Variants in PSMD12 observed in about 807,000 individuals in gnomAD.
PSMD12 encodes 26S proteasome non-ATPase regulatory subunit 12.
PSMD12 carries 8 observed loss-of-function variants against 62.9 expected under a neutral mutation model. That is an observed-to-expected ratio of 0.13 (90% CI 0.07 to 0.23). The LOEUF is 0.23. Among genes scored for constraint, PSMD12 ranks in the 10% least tolerant of loss-of-function variants. The pLI, the probability that PSMD12 is intolerant of heterozygous loss-of-function variation, is 1.00. For missense variants in PSMD12, 424 were observed against 550.2 expected (o/e 0.77, Z 2.29); for synonymous variants, 173 against 187.4 (o/e 0.92, Z 0.63).
At chr17:67,354,811 G>A (rs2042051761) in intron 3 of PSMD12, among the ~76,000 whole-genome samples, 2 of 151,990 alleles carry the variant, frequency 1.3e-5, no homozygotes, top group Admixed American at 1.3e-4. Flanking sequence ...GCAACATGGT[G>A]AAACCCTGAC....
chr17:67,349,299 G>C (rs535233752), intron 4 of PSMD12, among the ~76,000 whole-genome samples: 1 of 152,204 alleles, frequency 6.6e-6, no homozygotes, highest in Non-Finnish European at 1.5e-5. Context: ...GATTACAGGC[G>C]TGAGCCACTG....
At chr17:67,360,422 T>C (rs2042118653) in intron 1 of PSMD12, among the ~76,000 whole-genome samples, 2 of 152,240 alleles carry the variant, frequency 1.3e-5, no homozygotes, top group African/African-American at 2.4e-5. Context: ...TAAAAATCAG[T>C]AGTCACTTAG....
chr17:67,362,716 C>T (rs2042144627), intron 1 of PSMD12: 1 of 151,632 alleles, frequency 6.6e-6, no homozygotes, highest in East Asian at 1.9e-4. Flanking sequence ...AAAAAAAACC[C>T]ACTACAGGCT....
chr17:67,353,285 C>A (rs2042035142), intron 3 of PSMD12, among the ~76,000 whole-genome samples: 1 of 151,794 alleles, frequency 6.6e-6, no homozygotes, highest in South Asian at 2.1e-4. Context: ...TATTTCCTTC[C>A]TTCCTTTCCT....
At position 67,344,640 on chromosome 17, in the gene PSMD12, C is replaced by A. The variant is rs1445963376; in HGVS notation, c.1049G>T (p.Arg350Met). The change falls in exon 9 of 11, where the codon AGG (arginine) becomes ATG (methionine). Residue 350 changes from arginine (R) to methionine (M), a missense_variant. Arg to Met is a moderately conservative substitution (Grantham distance 91). Coordinates refer to ENST00000356126, the MANE Select transcript of PSMD12 (RefSeq NM_002816.5). ...VFGSTEEGEK[R>M]WKDLKNRVVE... ...AACTCTGTTCTTCAAGTCTTTCCAC[C>A]TTTTTTCACCTTCCTCTGTAGAACC... 6.2e-7 allele frequency: 1 copy of A among 1,611,534 alleles called. No homozygotes were observed. Among genetic ancestry groups the A allele is most frequent in the Non-Finnish European group, 8.5e-7 (1 of 1,178,566 alleles).
chr17:67,342,322 C>A, intron 9 of PSMD12, 59 bp from the exon 10 acceptor site: 1 of 1,150,160 alleles, frequency 8.7e-7, no homozygotes, highest in Non-Finnish European at 1.3e-6. Context: ...GTCTAAAAGT[C>A]CATTTATTTT....
chr17:67,347,253 G>A lies in PSMD12; in HGVS notation c.661-3C>T, dbSNP rs1567954229. 1 of 1,612,380 alleles carries A rather than the reference G, an allele frequency of 6.2e-7. No homozygotes were observed. Among genetic ancestry groups the A allele is most frequent in the Non-Finnish European group, 8.5e-7 (1 of 1,179,484 alleles). On this transcript the variant is annotated splice_polypyrimidine_tract_variant and splice_region_variant and intron_variant, in intron 6 of 10. Transcript: ENST00000356126. ...TTATAGTACTTCAACTTTAATTTCTGCAAAAAAGTTGACAAAACAAATTGG... is the reference window on the plus strand; with the variant it reads ...TTATAGTACTTCAACTTTAATTTCTACAAAAAAGTTGACAAAACAAATTGG...
rs1241301012 is a variant in PSMD12, at chr17:67,338,276, T to G, written c.*2567A>C. The G allele has an allele frequency of 2.0e-5, 3 of 152,206 alleles. No individual in the cohort carries two copies. The highest frequency in any genetic ancestry group is 2.1e-4 in the South Asian group (1 of 4,834). 9.4% of individuals were successfully genotyped at this position (152,206 alleles called of 1,614,324 possible). A position where few individuals can be genotyped will look rare whatever the true frequency, so the allele number is the denominator to read the frequency against. Reference sequence around the variant, plus strand: ...TTCTCCACATTTAAAACAAAGTGCTTCTTCTCCTGATTGCCAGCTTTAGGT... The same window carrying G: ...TTCTCCACATTTAAAACAAAGTGCTGCTTCTCCTGATTGCCAGCTTTAGGT... On this transcript the variant is annotated 3_prime_UTR_variant, in exon 11 of 11. Coordinates refer to ENST00000356126, the MANE Select transcript of PSMD12 (RefSeq NM_002816.5).
Position 67,339,808 on chromosome 17 carries a change from G to A in PSMD12, c.*1035C>T, listed in dbSNP as rs1190881287. On this transcript the variant is annotated 3_prime_UTR_variant, in exon 11 of 11. Transcript: ENST00000356126. Reference sequence around the variant, plus strand: ...TCGTTCACACCAATTCATCTCAGGTGTTTCTTTGACAGCAAGCTACTTTTA... The same window carrying A: ...TCGTTCACACCAATTCATCTCAGGTATTTCTTTGACAGCAAGCTACTTTTA... The A allele has an allele frequency of 6.6e-6, 1 of 151,908 alleles. No individual in the cohort carries two copies. The highest frequency in any genetic ancestry group is 1.5e-5 in the Non-Finnish European group (1 of 67,998). The allele number at this position is 151,908 out of a possible 1,614,324, so 9.4% of individuals were successfully genotyped here.
intron 3 of PSMD12, among the ~76,000 whole-genome samples, chr17:67,351,013 T>C (rs186591566): frequency 1.3e-5 from 2 of 152,290 alleles, no homozygotes; most frequent in Admixed American, 1.3e-4. Flanking sequence ...TTTATAAAAA[T>C]AGGAGGCGGG....
chr17:67,350,163 T>G, intron 4 of PSMD12, 66 bp downstream of exon 4: 1 of 993,938 alleles, frequency 1.0e-6, no homozygotes, highest in African/African-American at 1.7e-5. Flanking sequence ...TCTACATACA[T>G]TAAGTATCTC....
At chr17:67,363,149 T>C (rs753691647) in intron 1 of PSMD12, among the ~76,000 whole-genome samples, 7 of 152,130 alleles carry the variant, frequency 4.6e-5, no homozygotes, top group Non-Finnish European at 8.8e-5. Flanking sequence ...TAAGTCTCTA[T>C]ATACAACTTT....
At position 67,366,511 on chromosome 17, in the gene PSMD12, G is replaced by T; in HGVS notation, c.9C>A (p.Asp3Glu). ...GCCCGTCAGCCCGCTCCGAGCCGCCGTCCGCCATGGTCCCCGCCTGAGCGT... is the reference window on the plus strand; with the variant it reads ...GCCCGTCAGCCCGCTCCGAGCCGCCTTCCGCCATGGTCCCCGCCTGAGCGT... MA[D>E]GGSERADGRI... Residue 3 changes from aspartate (D) to glutamate (E), a missense_variant, in exon 1 of 11, where the codon GAC becomes GAA. Coordinates refer to ENST00000356126, the MANE Select transcript of PSMD12 (RefSeq NM_002816.5). 6.2e-7 allele frequency: 1 copy of T among 1,605,520 alleles called. No homozygotes were observed.
At chr17:67,344,893 G>T in intron 8 of PSMD12, 113 bp from the exon 9 acceptor site, 1 of 866,808 alleles carries the variant, frequency 1.2e-6, no homozygotes, top group Non-Finnish European at 1.7e-6. Flanking sequence ...ATTTTATTTA[G>T]TAGAATGAGA....
chr17:67,346,044 C>T (rs1478992219), intron 7 of PSMD12, among the ~76,000 whole-genome samples, 187 bp from the exon 8 acceptor site: 1 of 151,304 alleles, frequency 6.6e-6, no homozygotes, highest in South Asian at 2.1e-4. Flanking sequence ...GAGGTCAGAT[C>T]GAGGCTATCC....
intron 9 of PSMD12, 94 bp downstream of exon 9, chr17:67,344,512 A>G: frequency 9.2e-7 from 1 of 1,089,006 alleles, no homozygotes; most frequent in Middle Eastern, 2.2e-4. Flanking sequence ...GACAAATGAA[A>G]TAGTTTATGC....
Position 67,347,239 on chromosome 17 carries a change from C to T in PSMD12, c.672G>A (p.Leu224=). The T allele has an allele frequency of 6.2e-7, 1 of 1,613,202 alleles. No individual in the cohort carries two copies. Among genetic ancestry groups the T allele is most frequent in the Non-Finnish European group, 8.5e-7 (1 of 1,179,738 alleles). The change falls in exon 7 of 11, where the codon TTG becomes TTA. Residue 224 remains leucine, a synonymous_variant. Transcript: ENST00000356126. ...GCTGAATCATTAAATTATAGTACTT[C>T]AACTTTAATTTCTGCAAAAAAGTTG... The part of the protein sequence containing the change: ...FQEENTEKLK[L]KYYNLMIQLD...
intron 9 of PSMD12, chr17:67,342,622 T>TA (rs1291437103): frequency 6.3e-6 from 1 of 158,536 alleles, no homozygotes; most frequent in African/African-American, 2.4e-5. Flanking sequence ...ACAAATGTTT[T>TA]AAAGGCTAAA....
intron 3 of PSMD12, among the ~76,000 whole-genome samples, chr17:67,353,399 T>C (rs2042037356): frequency 6.7e-6 from 1 of 150,232 alleles, no homozygotes; most frequent in Non-Finnish European, 1.5e-5. Context: ...TTCCGCCTCC[T>C]GGGGTTCAAG....
Sources: allele counts gnomAD v4.1 joint callset (sites outside exome capture counted in the v4.1 genomes callset), GRCh38; gene constraint gnomAD v4.1.1; transcripts MANE v1.5; gene names NCBI Gene and HGNC (gene_info 2026-07-23, HGNC 2026-07-21).